STXBP5L: variants seen among roughly 807,000 people sequenced by gnomAD.
STXBP5L encodes syntaxin binding protein 5L, also known as syntaxin-binding protein 5-like.
In STXBP5L, 65 loss-of-function variants were observed where a neutral mutation model predicts 144.5. The observed-to-expected ratio is 0.45, with a 90% CI of 0.37 to 0.55. The LOEUF (loss-of-function observed/expected upper bound fraction) is 0.55, where lower values mean the gene tolerates loss of function less well. Among genes scored for constraint, STXBP5L ranks in the 20% least tolerant of loss-of-function variants. The pLI, the probability that STXBP5L is intolerant of heterozygous loss-of-function variation, is 0.00. For missense variants in STXBP5L, 1,298 were observed against 1,405.5 expected, an observed-to-expected ratio of 0.92 and a Z score of 1.22; for synonymous variants, 505 against 469.6, an observed-to-expected ratio of 1.08 and a Z score of -0.97.
chr3:121,237,006 C>T (rs1276656852), intron 12 of STXBP5L, among the ~76,000 whole-genome samples: 3 of 152,212 alleles, frequency 2.0e-5, no homozygotes. Flanking sequence ...ATCCTGGGAA[C>T]ATTGGTGCAA....
At chr3:120,952,165 G>C (rs1488393820) in intron 2 of STXBP5L, among the ~76,000 whole-genome samples, 3 of 147,714 alleles carry the variant, frequency 2.0e-5, no homozygotes, top group Non-Finnish European at 3.0e-5. Context: ...TGGGGTGGGG[G>C]GATGGGGGAG....
intron 2 of STXBP5L, among the ~76,000 whole-genome samples, chr3:120,949,562 G>C (rs1711068467): frequency 6.6e-6 from 1 of 152,080 alleles, no homozygotes; most frequent in African/African-American, 2.4e-5. Flanking sequence ...TTAGATTTAA[G>C]ACTTTGATCC....
At chr3:121,016,561 A>T (rs1945160661) in intron 3 of STXBP5L, among the ~76,000 whole-genome samples, 1 of 152,200 alleles carries the variant, frequency 6.6e-6, no homozygotes, top group Non-Finnish European at 1.5e-5. Context: ...TGGAAATGTA[A>T]AGAAGGAAGG....
At chr3:121,096,308 T>G (rs1165222117) in intron 5 of STXBP5L, among the ~76,000 whole-genome samples, 1 of 152,212 alleles carries the variant, frequency 6.6e-6, no homozygotes, top group African/African-American at 2.4e-5. Flanking sequence ...ATATGCTCCT[T>G]TAGCCTGGAG....
chr3:121,062,387 G>A (rs1255039322), intron 5 of STXBP5L, among the ~76,000 whole-genome samples: 23 of 152,262 alleles, frequency 1.5e-4, no homozygotes, highest in Admixed American at 1.5e-3. Context: ...GCTTCCCTTT[G>A]TGGCTAACCT....
At chr3:121,353,518 C>T (rs372384893) in intron 20 of STXBP5L, among the ~76,000 whole-genome samples, 62 of 152,168 alleles carry the variant, frequency 4.1e-4, no homozygotes, top group African/African-American at 1.3e-3. Context: ...TCTATGGGAT[C>T]GGTGGTGATA....
At chr3:120,990,497 C>A (rs1325775015) in intron 3 of STXBP5L, among the ~76,000 whole-genome samples, 1 of 152,112 alleles carries the variant, frequency 6.6e-6, no homozygotes, top group African/African-American at 2.4e-5. Context: ...CCCACATCGC[C>A]AAGTCAATCC....
chr3:121,215,876 T>C (rs1463092294), intron 10 of STXBP5L, among the ~76,000 whole-genome samples: 2 of 152,232 alleles, frequency 1.3e-5, no homozygotes, highest in Non-Finnish European at 2.9e-5. Flanking sequence ...CATAGTTACA[T>C]ATTTCTTGGA....
chr3:121,157,738 T>C (rs188204267), intron 9 of STXBP5L, 111 bp downstream of exon 9: 1 of 1,420,846 alleles, frequency 7.0e-7, no homozygotes, highest in East Asian at 2.7e-5. Flanking sequence ...GGACATAGCT[T>C]CTGGTTCTAA....
chr3:121,224,296 T>C (rs2049054701), intron 11 of STXBP5L, among the ~76,000 whole-genome samples: 1 of 152,198 alleles, frequency 6.6e-6, no homozygotes, highest in Non-Finnish European at 1.5e-5. Flanking sequence ...CTATTATATG[T>C]ATTAACTTAC....
intron 3 of STXBP5L, among the ~76,000 whole-genome samples, chr3:121,031,514 T>C (rs1217171843): frequency 6.6e-6 from 1 of 152,048 alleles, no homozygotes; most frequent in Non-Finnish European, 1.5e-5. Context: ...GACCCAGGGA[T>C]GATTGATGTT....
intron 9 of STXBP5L, among the ~76,000 whole-genome samples, chr3:121,182,056 A>T (rs536696541): frequency 1.3e-5 from 2 of 152,302 alleles, no homozygotes; most frequent in South Asian, 2.1e-4. Flanking sequence ...AATGAGAGAG[A>T]TGGCAACACA....
intron 20 of STXBP5L, among the ~76,000 whole-genome samples, chr3:121,330,507 G>A (rs1223475408): frequency 2.6e-5 from 4 of 152,166 alleles, no homozygotes; most frequent in African/African-American, 7.2e-5. Flanking sequence ...ACAAAGGACA[G>A]AAACTTTTGG....
chr3:121,108,553 C>T (rs1044395575), intron 5 of STXBP5L, among the ~76,000 whole-genome samples: 3 of 152,064 alleles, frequency 2.0e-5, no homozygotes, highest in Non-Finnish European at 2.9e-5. Context: ...CCTTGCATCC[C>T]GGGGATGAAG....
intron 20 of STXBP5L, chr3:121,357,267 T>A: frequency 4.8e-6 from 1 of 208,240 alleles, no homozygotes. Context: ...TTTTGTGAAG[T>A]GGTCCCTCCT....
intron 20 of STXBP5L, among the ~76,000 whole-genome samples, chr3:121,336,510 C>A (rs1211209748): frequency 6.6e-6 from 1 of 151,824 alleles, no homozygotes; most frequent in Non-Finnish European, 1.5e-5. Context: ...AACCAGCCAA[C>A]CAACCAACCA....
chr3:121,362,565 G>T (rs1229255280), intron 20 of STXBP5L, among the ~76,000 whole-genome samples: 1 of 152,040 alleles, frequency 6.6e-6, no homozygotes, highest in Non-Finnish European at 1.5e-5. Context: ...TTCCAATAAG[G>T]TCCAAGGTCA....
chr3:121,309,587 C>T (rs894168552), intron 19 of STXBP5L, among the ~76,000 whole-genome samples: 2 of 151,864 alleles, frequency 1.3e-5, no homozygotes, highest in African/African-American at 2.4e-5. Flanking sequence ...AAGAACTAGA[C>T]AGAAGATCAA....
At chr3:120,945,920 C>T (rs563807016) in intron 2 of STXBP5L, among the ~76,000 whole-genome samples, 3 of 151,788 alleles carry the variant, frequency 2.0e-5, no homozygotes, top group African/African-American at 2.4e-5. Flanking sequence ...ATGCTTTTCG[C>T]TTTTCCAGCT....
Sources: allele counts gnomAD v4.1 joint callset (sites outside exome capture counted in the v4.1 genomes callset), GRCh38; gene constraint gnomAD v4.1.1; transcripts MANE v1.5; gene names NCBI Gene and HGNC (gene_info 2026-07-23, HGNC 2026-07-21).